Variants in IMPG1 observed in about 807,000 individuals in gnomAD.
IMPG1 encodes interphotoreceptor matrix proteoglycan of 150 kDa.
A neutral mutation model predicts 92.0 loss-of-function variants in IMPG1; 85 were observed. The observed-to-expected ratio is 0.92, with a 90% CI of 0.78 to 1.11. The LOEUF is 1.11. IMPG1 is among the 50% of genes least tolerant of loss of function. IMPG1 has a pLI of 0.00. For synonymous variants in IMPG1, 367 were observed against 334.1 expected, an observed-to-expected ratio of 1.10 and a Z score of -1.08; for missense variants, 1,022 against 956.0, an observed-to-expected ratio of 1.07 and a Z score of -0.91.
intron 15 of IMPG1, among the ~76,000 whole-genome samples, chr6:75,925,015 A>T (rs1190322196): frequency 6.6e-6 from 1 of 151,372 alleles, no homozygotes; most frequent in East Asian, 1.9e-4. Flanking sequence ...CAGTGGGTAC[A>T]AAGTTACAAT....
chr6:75,987,125 C>T (rs966237874), intron 12 of IMPG1, among the ~76,000 whole-genome samples: 2 of 152,062 alleles, frequency 1.3e-5, no homozygotes, highest in African/African-American at 4.8e-5. Flanking sequence ...TCCTGTGTTT[C>T]CTTGGCGAGG....
intron 4 of IMPG1, among the ~76,000 whole-genome samples, 169 bp downstream of exon 4, chr6:76,034,146 C>T (rs1227485984): frequency 6.6e-6 from 1 of 152,130 alleles, no homozygotes; most frequent in African/African-American, 2.4e-5. Flanking sequence ...GTTTTATGTA[C>T]TGATTTATCT....
intron 4 of IMPG1, among the ~76,000 whole-genome samples, chr6:76,033,556 A>C (rs1783687053): frequency 6.6e-6 from 1 of 152,260 alleles, no homozygotes; most frequent in African/African-American, 2.4e-5. Flanking sequence ...AGATCAGATT[A>C]GACATTTTTC....
intron 7 of IMPG1, among the ~76,000 whole-genome samples, chr6:76,012,200 T>A (rs767423529): frequency 6.6e-6 from 1 of 152,150 alleles, no homozygotes; most frequent in Non-Finnish European, 1.5e-5. Flanking sequence ...AGGCCTGTTA[T>A]AATATTTTAT....
chr6:75,992,254 C>T (rs1782824788), intron 12 of IMPG1, among the ~76,000 whole-genome samples: 1 of 152,190 alleles, frequency 6.6e-6, no homozygotes, highest in Admixed American at 6.5e-5. Flanking sequence ...TTTGAACTTG[C>T]CAGCCTCCAC....
intron 5 of IMPG1, 91 bp from the exon 6 acceptor site, chr6:76,022,310 A>G: frequency 1.6e-6 from 1 of 617,620 alleles, no homozygotes; most frequent in Non-Finnish European, 2.9e-6. Context: ...TTTTTCTGTC[A>G]TTCTGGAATT....
At chr6:76,038,059 C>T (rs539229506) in intron 2 of IMPG1, among the ~76,000 whole-genome samples, 1 of 152,322 alleles carries the variant, frequency 6.6e-6, no homozygotes, top group African/African-American at 2.4e-5. Context: ...CAGATGTATA[C>T]AGAAGTTCAT....
intron 1 of IMPG1, among the ~76,000 whole-genome samples, chr6:76,046,145 C>G (rs1056834543): frequency 2.0e-5 from 3 of 152,078 alleles, no homozygotes; most frequent in Non-Finnish European, 1.5e-5. Flanking sequence ...CTGATAACTT[C>G]CATATATCAG....
chr6:76,022,388 G>T (rs1044386399), intron 5 of IMPG1, among the ~76,000 whole-genome samples, 169 bp from the exon 6 acceptor site: 1 of 152,214 alleles, frequency 6.6e-6, no homozygotes, highest in South Asian at 2.1e-4. Flanking sequence ...GAAAAAATAT[G>T]ACTCATACTC....
In IMPG1 at chr6:76,022,188, A is replaced by G. The variant is rs569401287; in HGVS notation, c.594T>C (p.Pro198=). ...TGAGGAGGGTGTCATCAGGAGTGAG[A>G]GGGAAAGGCCCAAGTGAGACGTTGG... The part of the protein sequence containing the change: ...DVANVSLGPF[P]LTPDDTLLNE... Residue 198 remains proline (P), a synonymous_variant, in exon 6 of 17, where the codon CCT becomes CCC. Coordinates refer to ENST00000369950, the MANE Select transcript of IMPG1 (RefSeq NM_001563.4). The G allele has an allele frequency of 3.1e-6, 5 of 1,595,404 alleles. No individual in the cohort carries two copies. Among genetic ancestry groups the G allele is most frequent in the African/African-American group, 1.3e-5 (1 of 74,486 alleles).
At chr6:76,033,638 A>T (rs950855620) in intron 4 of IMPG1, among the ~76,000 whole-genome samples, 4 of 152,222 alleles carry the variant, frequency 2.6e-5, no homozygotes, top group African/African-American at 4.8e-5. Context: ...TAAATGTGTA[A>T]GGCATTGTAA....
At chr6:75,939,124 C>T (rs1781797360) in intron 14 of IMPG1, among the ~76,000 whole-genome samples, 1 of 152,232 alleles carries the variant, frequency 6.6e-6, no homozygotes, top group Non-Finnish European at 1.5e-5. Flanking sequence ...CAGGCGTGAG[C>T]CACCGCTCCC....
chr6:76,025,478 C>G (rs1407570791), intron 4 of IMPG1, among the ~76,000 whole-genome samples: 1 of 152,142 alleles, frequency 6.6e-6, no homozygotes, highest in African/African-American at 2.4e-5. Context: ...ATGTTTGACT[C>G]CAGTGTTTTC....
At chr6:76,032,660 G>T (rs1055782502) in intron 4 of IMPG1, among the ~76,000 whole-genome samples, 4 of 152,178 alleles carry the variant, frequency 2.6e-5, no homozygotes, top group Non-Finnish European at 4.4e-5. Flanking sequence ...AGCAGGAAGA[G>T]ATTGCTGCAA....
chr6:75,927,519 C>T (rs1781576018), intron 15 of IMPG1, among the ~76,000 whole-genome samples: 1 of 152,072 alleles, frequency 6.6e-6, no homozygotes, highest in Non-Finnish European at 1.5e-5. Context: ...AAGGGACCCT[C>T]AGAGCACTGC....
intron 12 of IMPG1, among the ~76,000 whole-genome samples, chr6:75,987,717 TC>T (rs1456294476): frequency 6.6e-6 from 1 of 151,348 alleles, no homozygotes; most frequent in Non-Finnish European, 1.5e-5. Flanking sequence ...CGATCTCCGC[TC>T]ACTGCAAACT....
chr6:75,931,761 A>G (rs1472378564), intron 14 of IMPG1, among the ~76,000 whole-genome samples: 1 of 152,164 alleles, frequency 6.6e-6, no homozygotes, highest in Non-Finnish European at 1.5e-5. Context: ...ATTTAGACTC[A>G]CTTCTTTCTT....
At chr6:75,997,384 G>A (rs142951142) in intron 12 of IMPG1, among the ~76,000 whole-genome samples, 10 of 152,302 alleles carry the variant, frequency 6.6e-5, no homozygotes, top group African/African-American at 2.4e-4. Context: ...CTAAAGTGGA[G>A]CAATTTAAAT....
intron 12 of IMPG1, among the ~76,000 whole-genome samples, chr6:75,976,349 C>T (rs1473838786): frequency 6.6e-6 from 1 of 151,972 alleles, no homozygotes; most frequent in Non-Finnish European, 1.5e-5. Flanking sequence ...CCACTTTGAG[C>T]TTAGGAGTTT....
Sources: allele counts gnomAD v4.1 joint callset (sites outside exome capture counted in the v4.1 genomes callset), GRCh38; gene constraint gnomAD v4.1.1; transcripts MANE v1.5; gene names NCBI Gene and HGNC (gene_info 2026-07-23, HGNC 2026-07-21).